AIMP1: variants seen among roughly 807,000 people sequenced by gnomAD.
The protein encoded by AIMP1 is aminoacyl tRNA synthetase complex interacting multifunctional protein 1, also known as aminoacyl tRNA synthase complex-interacting multifunctional protein 1.
Under a neutral mutation model 33.1 loss-of-function variants are expected in AIMP1, and 24 were observed. That is an observed-to-expected ratio of 0.73 (90% CI 0.53 to 1.02). The LOEUF (loss-of-function observed/expected upper bound fraction) is 1.02. Among genes scored for constraint, AIMP1 ranks in the 50% least tolerant of loss-of-function variants. The pLI is 0.00. For synonymous variants in AIMP1, 120 were observed against 121.5 expected, an observed-to-expected ratio of 0.99 and a Z score of 0.08; for missense variants, 367 against 364.8, an observed-to-expected ratio of 1.01 and a Z score of -0.05.
At chr4:106,328,999 A>G (rs1769560202) in intron 4 of AIMP1, among the ~76,000 whole-genome samples, 1 of 151,438 alleles carries the variant, frequency 6.6e-6, no homozygotes, top group Non-Finnish European at 1.5e-5. Context: ...AGTTGCCTTT[A>G]TAAATAATTA....
intron 6 of AIMP1, among the ~76,000 whole-genome samples, chr4:106,344,879 T>G (rs1770237509): frequency 1.3e-5 from 2 of 152,182 alleles, no homozygotes; most frequent in African/African-American, 4.8e-5. Context: ...GTATTTTTCT[T>G]AACTGGGTTT....
At chr4:106,340,502 G>A (rs1467416869) in intron 6 of AIMP1, among the ~76,000 whole-genome samples, 2 of 152,098 alleles carry the variant, frequency 1.3e-5, no homozygotes, top group Non-Finnish European at 2.9e-5. Flanking sequence ...TATACGCAAT[G>A]TTTAGGTTTA....
intron 2 of AIMP1, among the ~76,000 whole-genome samples, chr4:106,326,748 A>G (rs1012021151): frequency 6.6e-6 from 1 of 151,554 alleles, no homozygotes; most frequent in African/African-American, 2.4e-5. Flanking sequence ...CTTTTTTTTC[A>G]GCATCTGTTA....
intron 3 of AIMP1, 152 bp downstream of exon 3, chr4:106,327,716 T>A (rs1006099251): frequency 1.6e-6 from 1 of 634,200 alleles, no homozygotes; most frequent in Non-Finnish European, 2.8e-6. Flanking sequence ...AATGGGGGCA[T>A]GGATAGAACC....
At chr4:106,327,375 G>T (rs1769491434) in intron 2 of AIMP1, 76 bp from the exon 3 acceptor site, 3 of 1,068,108 alleles carry the variant, frequency 2.8e-6, no homozygotes, top group Non-Finnish European at 4.3e-6. Flanking sequence ...AGTTATACTG[G>T]CTGTCTTCTT....
chr4:106,328,674 C>A (rs1769550717), intron 4 of AIMP1, among the ~76,000 whole-genome samples: 1 of 152,164 alleles, frequency 6.6e-6, no homozygotes, highest in South Asian at 2.1e-4. Flanking sequence ...TCCATGAGAA[C>A]TAAAGTAGAT....
chr4:106,324,681 T>A (rs1579630378), intron 1 of AIMP1, among the ~76,000 whole-genome samples: 1 of 152,060 alleles, frequency 6.6e-6, no homozygotes, highest in African/African-American at 2.4e-5. Flanking sequence ...TTATTGTTAT[T>A]CTTATCTCTT....
chr4:106,343,374 G>T (rs141960844), intron 6 of AIMP1, among the ~76,000 whole-genome samples: 1 of 152,052 alleles, frequency 6.6e-6, no homozygotes, highest in South Asian at 2.1e-4. Context: ...TGTGTTTAAT[G>T]AAATATTACA....
chr4:106,341,909 T>A (rs1770112994), intron 6 of AIMP1, among the ~76,000 whole-genome samples: 1 of 152,194 alleles, frequency 6.6e-6, no homozygotes, highest in South Asian at 2.1e-4. Flanking sequence ...CAATACTGAT[T>A]TTTCCAATCC....
At chr4:106,337,607 G>A (rs182558922) in intron 6 of AIMP1, among the ~76,000 whole-genome samples, 5 of 152,250 alleles carry the variant, frequency 3.3e-5, no homozygotes, top group Admixed American at 6.5e-5. Flanking sequence ...TATTAGCAGC[G>A]TGAGAATAGA....
chr4:106,333,512 G>A (rs765118514), intron 5 of AIMP1, among the ~76,000 whole-genome samples: 26 of 152,072 alleles, frequency 1.7e-4, no homozygotes, highest in Non-Finnish European at 3.1e-4. Flanking sequence ...TTAATTATCC[G>A]AGCCAGTGAA....
At chr4:106,346,859 A>C (rs6819742) in intron 6 of AIMP1, among the ~76,000 whole-genome samples, 22,816 of 152,180 alleles carry the variant, frequency 0.15, 1,838 homozygotes, top group South Asian at 0.25. Context: ...TAAAGAAATA[A>C]CTGAGGCTAG....
intron 6 of AIMP1, 39 bp from the exon 7 acceptor site, chr4:106,347,481 TATATTA>T: frequency 6.4e-7 from 1 of 1,558,886 alleles, no homozygotes; most frequent in Non-Finnish European, 8.8e-7. Context: ...AATATTTTTG[TATATTA>T]GCTGTGTAAT....
At chr4:106,324,135 CATTAAT>C (rs1037777645) in intron 1 of AIMP1, among the ~76,000 whole-genome samples, 2 of 151,842 alleles carry the variant, frequency 1.3e-5, no homozygotes, top group Non-Finnish European at 2.9e-5. Context: ...AAAATTTCAC[CATTAAT>C]ATTGAGTACT....
At chr4:106,331,585 T>C in intron 4 of AIMP1, 87 bp from the exon 5 acceptor site, 1 of 1,149,706 alleles carries the variant, frequency 8.7e-7, no homozygotes, top group South Asian at 1.3e-5. Context: ...CCTTTTAAGC[T>C]CATTGGTATG....
chr4:106,345,919 T>C (rs1368578125), intron 6 of AIMP1, among the ~76,000 whole-genome samples: 1 of 149,510 alleles, frequency 6.7e-6, no homozygotes, highest in Non-Finnish European at 1.5e-5. Flanking sequence ...ATTCCTAATC[T>C]AAAATATAAA....
At chr4:106,344,513 A>G (rs999239501) in intron 6 of AIMP1, among the ~76,000 whole-genome samples, 8 of 152,160 alleles carry the variant, frequency 5.3e-5, no homozygotes. Context: ...TAGCACCCTA[A>G]TCCCAAAGCC....
chr4:106,336,806 A>T, intron 5 of AIMP1, 63 bp from the exon 6 acceptor site: 1 of 1,437,712 alleles, frequency 7.0e-7, no homozygotes, highest in Non-Finnish European at 9.8e-7. Flanking sequence ...AGCTTAATGT[A>T]GTCTGGATAT....
chr4:106,346,404 G>C (rs1049432101), intron 6 of AIMP1, among the ~76,000 whole-genome samples: 2 of 152,138 alleles, frequency 1.3e-5, no homozygotes, highest in Admixed American at 6.6e-5. Context: ...TAGCAGAACA[G>C]GGGCTTTGTT....
Sources: gnomAD v4.1 joint callset for allele counts (sites outside exome capture counted in the v4.1 genomes callset) on GRCh38, gnomAD v4.1.1 for gene constraint, MANE v1.5 for transcripts, NCBI Gene and HGNC (gene_info 2026-07-23, HGNC 2026-07-21) for gene names.